Variants in LRRC7 observed in about 807,000 individuals in gnomAD.
The protein encoded by LRRC7 is leucine rich repeat containing 7, also known as leucine-rich repeat-containing protein 7.
Under a neutral mutation model 175.7 loss-of-function variants are expected in LRRC7, and 23 were observed. The ratio of observed to expected loss-of-function variants is 0.13; its 90% CI spans 0.09 to 0.19. The LOEUF is 0.19. LRRC7 is among the 10% of genes least tolerant of loss of function. The probability of loss-of-function intolerance (pLI) is 1.00; values close to 1 mark genes in which losing one functional copy is unlikely to be tolerated. For synonymous variants in LRRC7, 685 were observed against 680.9 expected (o/e 1.01, Z -0.09); for missense variants, 1,354 against 1,904.7 (o/e 0.71, Z 5.38).
intron 7 of LRRC7, among the ~76,000 whole-genome samples, chr1:69,890,613 T>G (rs1241686378): frequency 2.0e-5 from 3 of 152,218 alleles, no homozygotes; most frequent in African/African-American, 7.2e-5. Context: ...TTTGAAGCTT[T>G]GATGGCAGGC....
At chr1:69,584,551 A>G (rs2100930402) in intron 1 of LRRC7, among the ~76,000 whole-genome samples, 1 of 152,268 alleles carries the variant, frequency 6.6e-6, no homozygotes, top group East Asian at 1.9e-4. Context: ...TGAACATAAT[A>G]CCCATCTCAC....
chr1:70,090,532 C>T (rs976071515), intron 25 of LRRC7, among the ~76,000 whole-genome samples: 3 of 151,952 alleles, frequency 2.0e-5, no homozygotes, highest in Non-Finnish European at 4.4e-5. Flanking sequence ...AAATGTTTAC[C>T]TGGAGCTATA....
intron 2 of LRRC7, among the ~76,000 whole-genome samples, chr1:69,743,415 G>A (rs749649660): frequency 3.5e-4 from 53 of 151,982 alleles, no homozygotes; most frequent in Non-Finnish European, 6.9e-4. Context: ...GCAAAAGCAC[G>A]GAAGAATGCA....
At chr1:69,879,080 A>T (rs1686309814) in intron 7 of LRRC7, among the ~76,000 whole-genome samples, 1 of 150,368 alleles carries the variant, frequency 6.7e-6, no homozygotes, top group Admixed American at 6.6e-5. Flanking sequence ...GATGTAGTTT[A>T]TCAGTTGAAA....
rs1671248689 is a variant in LRRC7, at chr1:69,763,370, C to G, written c.303+2977C>G. Among the ~76,000 whole-genome samples the G allele has an allele frequency of 2.0e-5, 3 of 152,086 alleles. No individual in the cohort carries two copies. In the South Asian group the frequency reaches 6.2e-4, roughly 31 times the overall value. The stretch of plus-strand genomic sequence containing the variant: ...CAGAAACATCTGACTCCTTAAAACT[C>G]TTTCTGAGAAGGACAAAATATGTCT... On this transcript the variant is annotated intron_variant, in intron 3 of 26. Coordinates refer to ENST00000651989, the MANE Select transcript of LRRC7 (RefSeq NM_001370785.2).
rs886216420 is a variant in LRRC7 at position 70,138,533 on chromosome 1, C to A, written c.*16646C>A. The A allele has an allele frequency of 1.3e-5, 2 of 152,148 alleles. No individual in the cohort carries two copies. Among genetic ancestry groups the A allele is most frequent in the Admixed American group, 1.3e-4 (2 of 15,266 alleles). The allele number at this position is 152,148 out of a possible 1,614,324, so 9.4% of individuals were successfully genotyped here. ...CTAAGGAAAACTACAGAAGTTATGT[C>A]TATTAACTCTTTAAGGTACATGATA... On this transcript the variant is annotated 3_prime_UTR_variant, in exon 27 of 27. Transcript: ENST00000651989.
intron 7 of LRRC7, among the ~76,000 whole-genome samples, chr1:69,926,030 C>G (rs1647061540): frequency 6.6e-6 from 1 of 151,918 alleles, no homozygotes; most frequent in Admixed American, 6.6e-5. Context: ...CAAAGAACAT[C>G]TTTATTTCTG....
chr1:70,110,387 T>A (rs962589377), intron 26 of LRRC7, among the ~76,000 whole-genome samples: 6 of 151,838 alleles, frequency 4.0e-5, no homozygotes, highest in Non-Finnish European at 8.8e-5. Flanking sequence ...CTTAAAAAAA[T>A]AAAAAATAAA....
intron 1 of LRRC7, among the ~76,000 whole-genome samples, chr1:69,613,751 G>A (rs1180338185): frequency 6.6e-6 from 1 of 151,986 alleles, no homozygotes; most frequent in Non-Finnish European, 1.5e-5. Flanking sequence ...TTCTAGATTT[G>A]GCAAGCAGAA....
rs1011118516 is a variant in LRRC7, at chr1:69,568,279, ACCG to A, written c.-344_-342del. The A allele has an allele frequency of 5.5e-4, 114 of 205,600 alleles. No individual in the cohort carries two copies. The highest frequency in any genetic ancestry group is 1.9e-3 in the Middle Eastern group (1 of 530). The allele number at this position is 205,600 out of a possible 1,614,324, so 12.7% of individuals were successfully genotyped here. A position where few individuals can be genotyped will look rare whatever the true frequency, so the allele number is the denominator to read the frequency against. On this transcript the variant is annotated 5_prime_UTR_variant, in exon 1 of 27. Coordinates refer to ENST00000651989, the MANE Select transcript of LRRC7 (RefSeq NM_001370785.2). ...GCGGGGAGGGAGCTGCGCCTCCGCC[ACCG>A]CCGCCGCCGCCGCCGCTGCTGCTGC...
chr1:69,834,346 AAAT>A lies in LRRC7; in HGVS notation c.501-433_501-431del, dbSNP rs1680870577. 2.6e-5 allele frequency among the ~76,000 whole-genome samples: 4 copies of A among 152,272 alleles called. No homozygotes were observed. In the South Asian group the frequency reaches 8.3e-4, roughly 32 times the overall value. On this transcript the variant is annotated intron_variant, in intron 5 of 26. Transcript: ENST00000651989. ...GTCATCGCTGTAACAAATTGTAGAC[AAAT>A]TTTGATGATTAAGTGAAATAGTAAC...
intron 24 of LRRC7, 43 bp downstream of exon 24, chr1:70,076,341 A>G (rs747053155): frequency 3.2e-5 from 51 of 1,577,258 alleles, no homozygotes; most frequent in South Asian, 2.5e-4. Flanking sequence ...TCAGGTAAGA[A>G]AAGTCCAAAG....
chr1:69,806,898 C>T (rs1677178528), intron 4 of LRRC7, among the ~76,000 whole-genome samples: 1 of 151,912 alleles, frequency 6.6e-6, no homozygotes, highest in African/African-American at 2.4e-5. Flanking sequence ...TTGCTTCAGG[C>T]TGATACTCAG....
At chr1:69,748,750 A>G (rs1669516643) in intron 2 of LRRC7, among the ~76,000 whole-genome samples, 1 of 152,112 alleles carries the variant, frequency 6.6e-6, no homozygotes, top group Admixed American at 6.6e-5. Flanking sequence ...GGATCAGGTA[A>G]GTGATTAGAC....
chr1:69,625,084 A>G (rs1651262976), intron 1 of LRRC7, among the ~76,000 whole-genome samples: 2 of 152,044 alleles, frequency 1.3e-5, no homozygotes, highest in Admixed American at 6.6e-5. Flanking sequence ...TTTTCTTTAA[A>G]TGATTAGCAA....
At position 70,020,994 on chromosome 1, in the gene LRRC7, TCTAA is replaced by T. The variant is rs1657435205; in HGVS notation, c.1421-8_1421-5del. ...TTAAAAAAACAATAATACTTTGGAA[TCTAA>T]CTGTAGATTTCCAGTCAGACAGTGA... On this transcript the variant is annotated splice_region_variant and splice_polypyrimidine_tract_variant and intron_variant, in intron 15 of 26. Transcript: ENST00000651989. 2 of 1,594,208 alleles carry T rather than the reference TCTAA, an allele frequency of 1.3e-6. No individual in the cohort carries two copies. Among genetic ancestry groups the T allele is most frequent in the Non-Finnish European group, 1.7e-6 (2 of 1,172,686 alleles).
At chr1:69,683,013 G>T (rs778571082) in intron 2 of LRRC7, among the ~76,000 whole-genome samples, 2 of 152,038 alleles carry the variant, frequency 1.3e-5, no homozygotes, top group South Asian at 4.1e-4. Flanking sequence ...TAGACCAAAC[G>T]TCTCTCTGTT....
chr1:69,743,829 A>C (rs1012388513), intron 2 of LRRC7, among the ~76,000 whole-genome samples: 1 of 151,938 alleles, frequency 6.6e-6, no homozygotes, highest in Non-Finnish European at 1.5e-5. Context: ...TTACTGAGGA[A>C]AACAGTTTTA....
chr1:69,855,077 G>A (rs1438828845), intron 7 of LRRC7, among the ~76,000 whole-genome samples: 1 of 152,148 alleles, frequency 6.6e-6, no homozygotes, highest in African/African-American at 2.4e-5. Flanking sequence ...CATGGTTGAT[G>A]CATGATAAAT....
Sources: gnomAD v4.1 joint callset for allele counts (sites outside exome capture counted in the v4.1 genomes callset) on GRCh38, gnomAD v4.1.1 for gene constraint, MANE v1.5 for transcripts, NCBI Gene and HGNC (gene_info 2026-07-23, HGNC 2026-07-21) for gene names.